FAM81A: variants seen among roughly 807,000 people sequenced by gnomAD.
FAM81A encodes the protein family with sequence similarity 81 member A, also known as protein FAM81A.
In FAM81A, 19 loss-of-function variants were observed where a neutral mutation model predicts 46.7. The ratio of observed to expected loss-of-function variants is 0.41; its 90% CI spans 0.28 to 0.60. The LOEUF (loss-of-function observed/expected upper bound fraction) is 0.60. Among genes scored for constraint, FAM81A ranks in the 20% least tolerant of loss-of-function variants. The pLI is 0.34. For synonymous variants in FAM81A, 183 were observed against 152.9 expected, an observed-to-expected ratio of 1.20 and a Z score of -1.45; for missense variants, 377 against 453.5, an observed-to-expected ratio of 0.83 and a Z score of 1.53.
At chr15:59,401,222 G>A (rs528650799) in intron 1 of FAM81A, 12 of 1,008,074 alleles carry the variant, frequency 1.2e-5, no homozygotes, top group African/African-American at 1.1e-4. Context: ...AATTGCTGTC[G>A]AACCAGTAAG....
intron 2 of FAM81A, among the ~76,000 whole-genome samples, chr15:59,415,275 C>T (rs749325972): frequency 1.3e-5 from 2 of 151,984 alleles, no homozygotes; most frequent in African/African-American, 4.8e-5. Context: ...TGTAACACCA[C>T]GCCTGGCTAA....
chr15:59,470,350 T>G (rs1389915105), intron 3 of FAM81A, among the ~76,000 whole-genome samples: 1 of 152,234 alleles, frequency 6.6e-6, no homozygotes, highest in African/African-American at 2.4e-5. Flanking sequence ...CAATCCAATG[T>G]AGATTTGGTC....
chr15:59,458,960 A>T (rs2081517247), intron 2 of FAM81A, among the ~76,000 whole-genome samples: 1 of 152,222 alleles, frequency 6.6e-6, no homozygotes, highest in Non-Finnish European at 1.5e-5. Flanking sequence ...TATCGGCCAA[A>T]ATTGGCTCAT....
chr15:59,427,441 A>C (rs1452220702), intron 2 of FAM81A, among the ~76,000 whole-genome samples: 1 of 152,092 alleles, frequency 6.6e-6, no homozygotes, highest in Non-Finnish European at 1.5e-5. Context: ...GTGCAATTAA[A>C]TGATTATTGA....
intron 2 of FAM81A, among the ~76,000 whole-genome samples, chr15:59,409,586 G>A (rs116038593): frequency 0.015 from 2,346 of 152,218 alleles, 67 homozygotes; most frequent in African/African-American, 0.054. Flanking sequence ...ATCACTCACC[G>A]GGACTGTCTT....
chr15:59,518,139 ATTTTTTTTT>A (rs576524944), intron 8 of FAM81A, among the ~76,000 whole-genome samples: 85 of 134,810 alleles, frequency 6.3e-4, no homozygotes, highest in African/African-American at 2.3e-3. Context: ...CGGCCGGCTA[ATTTTTTTTT>A]TTTTTTTTTA....
intron 1 of FAM81A, among the ~76,000 whole-genome samples, chr15:59,398,759 GAAAAAAAAAAAAAAAAAA>G (rs71119468): frequency 1.7e-4 from 7 of 41,408 alleles, no homozygotes; most frequent in Non-Finnish European, 2.3e-4. Context: ...CTCTGTCTCA[GAAAAAAAAAAAAAAAAAA>G]AAAAAAAAAA....
chr15:59,437,481 G>T (rs911198709), upstream of FAM81A, among the ~76,000 whole-genome samples: 1 of 152,104 alleles, frequency 6.6e-6, no homozygotes, highest in African/African-American at 2.4e-5. Context: ...GACGCGCTGG[G>T]AGGGGATGAA....
chr15:59,430,516 T>C (rs2081215432), intron 2 of FAM81A, among the ~76,000 whole-genome samples: 1 of 152,160 alleles, frequency 6.6e-6, no homozygotes, highest in African/African-American at 2.4e-5. Flanking sequence ...TCCACCTGCC[T>C]TGGCCTCCCA....
At position 59,483,936 on chromosome 15, in the gene FAM81A, C is replaced by G. The variant is rs1243058429; in HGVS notation, c.295-8335C>G. ...GGGGCGGGCTCGTTCCCCACTGCCT[C>G]TCAGCTGGGAGAGCTGAGGGAATAG... On this transcript the variant is annotated intron_variant, in intron 3 of 8. Transcript: ENST00000288228. 2.0e-5 allele frequency among the ~76,000 whole-genome samples: 3 copies of G among 152,206 alleles called. No individual in the cohort carries two copies. In the South Asian group the frequency reaches 6.2e-4, roughly 32 times the overall value.
chr15:59,492,667 A>T (rs79743406), intron 4 of FAM81A, among the ~76,000 whole-genome samples: 12,410 of 152,220 alleles, frequency 0.082, 607 homozygotes, highest in African/African-American at 0.13. Flanking sequence ...GTAAATACTA[A>T]GTTTATCGAA....
chr15:59,432,927 AG>A (rs1482760139), intron 2 of FAM81A, among the ~76,000 whole-genome samples: 2 of 132,836 alleles, frequency 1.5e-5, no homozygotes, highest in African/African-American at 2.8e-5. Context: ...CGAGGTCAGG[AG>A]ATCGAGACCA....
chr15:59,446,106 G>A (rs1057218033), intron 1 of FAM81A, among the ~76,000 whole-genome samples: 1 of 152,208 alleles, frequency 6.6e-6, no homozygotes, highest in Non-Finnish European at 1.5e-5. Context: ...ATATGTATGA[G>A]TGTCCGTGAA....
At chr15:59,485,647 C>G (rs1475479792) in intron 3 of FAM81A, among the ~76,000 whole-genome samples, 1 of 152,154 alleles carries the variant, frequency 6.6e-6, no homozygotes, top group Non-Finnish European at 1.5e-5. Flanking sequence ...ATCTGGAAAG[C>G]CTTCGCAAGA....
chr15:59,436,753 C>T (rs997168038), upstream of FAM81A, among the ~76,000 whole-genome samples: 19 of 151,918 alleles, frequency 1.3e-4, no homozygotes, highest in African/African-American at 4.6e-4. Context: ...GGAATCTAAC[C>T]GAGAAAGGAA....
At chr15:59,456,287 C>T (rs1013166132) in intron 1 of FAM81A, among the ~76,000 whole-genome samples, 6 of 128,430 alleles carry the variant, frequency 4.7e-5, no homozygotes, top group Non-Finnish European at 8.7e-5. Flanking sequence ...GATGGGGTGG[C>T]GGGGGCGGGG....
chr15:59,450,939 T>C (rs2081411324), intron 1 of FAM81A, among the ~76,000 whole-genome samples: 1 of 152,212 alleles, frequency 6.6e-6, no homozygotes, highest in Non-Finnish European at 1.5e-5. Flanking sequence ...CTGTATTCTC[T>C]TGGTTAGAAG....
intron 2 of FAM81A, among the ~76,000 whole-genome samples, chr15:59,403,316 A>G (rs62015010): frequency 0.2 from 30,256 of 151,976 alleles, 3,108 homozygotes; most frequent in Non-Finnish European, 0.22. Context: ...GTTAAATGAG[A>G]CCATAAGATT....
At chr15:59,458,949 C>A (rs1225425968) in intron 2 of FAM81A, among the ~76,000 whole-genome samples, 1 of 152,202 alleles carries the variant, frequency 6.6e-6, no homozygotes, top group Non-Finnish European at 1.5e-5. Flanking sequence ...GATTAGGGGC[C>A]TATCGGCCAA....
Sources: gnomAD v4.1 joint callset for allele counts (sites outside exome capture counted in the v4.1 genomes callset) on GRCh38, gnomAD v4.1.1 for gene constraint, MANE v1.5 for transcripts, NCBI Gene and HGNC (gene_info 2026-07-23, HGNC 2026-07-21) for gene names.